ARPC2: variants seen among roughly 807,000 people sequenced by gnomAD.
The protein encoded by ARPC2 is actin-related protein 2/3 complex subunit 2.
A neutral mutation model predicts 38.6 loss-of-function variants in ARPC2; 4 were observed. That is an observed-to-expected ratio of 0.10 (90% CI 0.05 to 0.24). The LOEUF (loss-of-function observed/expected upper bound fraction) is 0.24, where lower values mean the gene tolerates loss of function less well. Among genes scored for constraint, ARPC2 ranks in the 10% least tolerant of loss-of-function variants. ARPC2 has a pLI of 1.00. For missense variants in ARPC2, 229 were observed against 387.3 expected (o/e 0.59, Z 3.43); for synonymous variants, 125 against 140.8 (o/e 0.89, Z 0.79).
chr2:218,217,393 G>C (rs1199576363), intron 1 of ARPC2, 70 bp from the exon 2 acceptor site: 2 of 1,469,988 alleles, frequency 1.4e-6, no homozygotes, highest in African/African-American at 2.8e-5. Context: ...GGGCAGCAGG[G>C]CCGCTCCCTC....
chr2:218,231,411 A>G (rs1455072604), intron 4 of ARPC2, among the ~76,000 whole-genome samples: 2 of 152,140 alleles, frequency 1.3e-5, no homozygotes, highest in African/African-American at 4.8e-5. Flanking sequence ...AATTAAACTA[A>G]ATCTTAGGGA....
chr2:218,230,928 TTCCATTCTGTGCTTTTCTTA>T (rs1689619600), intron 4 of ARPC2, among the ~76,000 whole-genome samples: 1 of 152,192 alleles, frequency 6.6e-6, no homozygotes. Flanking sequence ...TAAATCTCCT[TTCCATTCTGTGCTTTTCTTA>T]CGATGGAGCT....
intron 8 of ARPC2, 128 bp from the exon 9 acceptor site, chr2:218,249,236 T>C (rs1690121569): frequency 1.5e-6 from 1 of 645,332 alleles, no homozygotes; most frequent in South Asian, 1.9e-5. Context: ...TGACAAAGCC[T>C]GGTAATACTG....
rs115101645 is a variant in ARPC2, at chr2:218,218,997, G to C, written c.74+1453G>C. Among the ~76,000 whole-genome samples the C allele has an allele frequency of 8.2e-3, 1,249 of 152,266 alleles. 13 individuals carry two copies. Among genetic ancestry groups the C allele is most frequent in the African/African-American group, 0.026 (1,068 of 41,556 alleles). ...CAGAGTCTTATTTTGGGTGATTGCT[G>C]TATACTTTTTTCTGAGCAGTGTAAC... On this transcript the variant is annotated intron_variant, in intron 2 of 10. Coordinates refer to ENST00000315717, the MANE Select transcript of ARPC2 (RefSeq NM_152862.3).
At chr2:218,227,542 T>C (rs1321143883) in intron 3 of ARPC2, among the ~76,000 whole-genome samples, 1 of 151,714 alleles carries the variant, frequency 6.6e-6, no homozygotes, top group Non-Finnish European at 1.5e-5. Flanking sequence ...TTCTCCTGCC[T>C]CCGCCTCTCA....
chr2:218,253,800 G>T, intron 10 of ARPC2, 91 bp from the exon 11 acceptor site: 2 of 1,461,382 alleles, frequency 1.4e-6, no homozygotes, highest in Non-Finnish European at 1.8e-6. Flanking sequence ...CTCATTTGGT[G>T]TTTCTTTGGG....
Position 218,249,474 on chromosome 2 carries a change from G to A in ARPC2, c.777+10G>A, listed in dbSNP as rs373783317. 68 of 1,573,538 alleles carry A rather than the reference G, an allele frequency of 4.3e-5. No individual in the cohort carries two copies. The African/African-American group carries it at 7.6e-4, about 18-fold the overall frequency. On this transcript the variant is annotated intron_variant, in intron 9 of 10. Coordinates refer to ENST00000315717, the MANE Select transcript of ARPC2 (RefSeq NM_152862.3). Reference sequence around the variant, plus strand: ...CATCAAGTGCTCTAAGGTGAGGGGGGTGCCAGCATCTCAGCCTCTATGCTC... The same window carrying A: ...CATCAAGTGCTCTAAGGTGAGGGGGATGCCAGCATCTCAGCCTCTATGCTC...
intron 2 of ARPC2, among the ~76,000 whole-genome samples, chr2:218,224,995 CTT>C: frequency 6.6e-6 from 1 of 152,314 alleles, no homozygotes; most frequent in East Asian, 1.9e-4. Context: ...ACATGCGCAT[CTT>C]GTTTGCTAGC....
intron 2 of ARPC2, among the ~76,000 whole-genome samples, chr2:218,225,586 C>G (rs1050489599): frequency 1.3e-5 from 2 of 152,158 alleles, no homozygotes; most frequent in Non-Finnish European, 2.9e-5. Context: ...AGGCATTGAC[C>G]AAAAGATGGC....
At chr2:218,234,541 A>G in intron 5 of ARPC2, 144 bp downstream of exon 5, 5 of 657,810 alleles carry the variant, frequency 7.6e-6, no homozygotes, top group Non-Finnish European at 1.3e-5. Flanking sequence ...AACTCCGTCC[A>G]TAAAAATAGC....
intron 10 of ARPC2, among the ~76,000 whole-genome samples, chr2:218,250,567 A>C (rs955248996): frequency 6.6e-6 from 1 of 151,678 alleles, no homozygotes; most frequent in Non-Finnish European, 1.5e-5. Context: ...CGGGAGGCTG[A>C]GGCAGAGAAT....
In ARPC2 at chr2:218,249,968, C is replaced by T. The variant is rs74765391; in HGVS notation, c.878+47C>T. Reference sequence around the variant, plus strand: ...CGACCACCTTCCTCTCCTGAGTCACCGAGAAGGAAGCAGTGGGCGCTGGTG... The same window carrying T: ...CGACCACCTTCCTCTCCTGAGTCACTGAGAAGGAAGCAGTGGGCGCTGGTG... On this transcript the variant is annotated intron_variant, in intron 10 of 10. Transcript: ENST00000315717. 8.8e-4 allele frequency: 1,316 copies of T among 1,492,482 alleles called. 9 individuals carry two copies. The African/African-American group carries it at 0.013, about 14-fold the overall frequency. The allele number at this position is 1,492,482 out of a possible 1,614,324, so 92.5% of individuals were successfully genotyped here.
At chr2:218,241,456 A>G (rs1294454324) in intron 7 of ARPC2, among the ~76,000 whole-genome samples, 1 of 152,232 alleles carries the variant, frequency 6.6e-6, no homozygotes, top group Non-Finnish European at 1.5e-5. Flanking sequence ...GAGGCATTTC[A>G]TGTGTTTTTA....
intron 4 of ARPC2, 21 bp from the exon 5 acceptor site, chr2:218,234,326 GGTTTT>G: frequency 6.5e-7 from 1 of 1,542,914 alleles, no homozygotes; most frequent in Non-Finnish European, 8.9e-7. Flanking sequence ...TAACGTATTT[GGTTTT>G]GTTTTGTTTT....
chr2:218,238,802 A>T lies in ARPC2; in HGVS notation c.407A>T (p.Lys136Met). 1 of 1,614,038 alleles carries T rather than the reference A, an allele frequency of 6.2e-7. No homozygotes were observed. Among genetic ancestry groups the T allele is most frequent in the South Asian group, 1.1e-5 (1 of 91,080 alleles). Residue 136 changes from lysine (K) to methionine (M), a missense_variant, in exon 6 of 11, where the codon AAG (lysine) becomes ATG (methionine). Physicochemically the swap from Lys to Met is moderately conservative, Grantham distance 95. Around this residue, in one of 3 missense-constraint regions of ARPC2, gnomAD observed 135 missense variants for 214.1 expected, o/e 0.63. Transcript: ENST00000315717. ...TACTTCCAATTCCAAGAAGAGGGCAAGGAAGGAGAGAACAGGGCAGTTATC... is the reference window on the plus strand; with the variant it reads ...TACTTCCAATTCCAAGAAGAGGGCATGGAAGGAGAGAACAGGGCAGTTATC... ...EKYFQFQEEG[K>M]EGENRAVIHY...
intron 5 of ARPC2, chr2:218,235,790 G>C (rs1331716565): frequency 6.6e-6 from 1 of 152,198 alleles, no homozygotes; most frequent in Non-Finnish European, 1.5e-5. Context: ...GTAAAAGTGT[G>C]TGAAAGTAGT....
intron 7 of ARPC2, among the ~76,000 whole-genome samples, chr2:218,242,297 A>G (rs928463743): frequency 6.6e-6 from 1 of 152,214 alleles, no homozygotes; most frequent in African/African-American, 2.4e-5. Context: ...AGGACCAGTA[A>G]TTATGCTTTT....
chr2:218,249,580 A>G, intron 9 of ARPC2, 116 bp downstream of exon 9: 1 of 865,422 alleles, frequency 1.2e-6, no homozygotes, highest in Non-Finnish European at 1.8e-6. Context: ...TTAGGTAAAT[A>G]ATTCTAGAGG....
At chr2:218,227,451 T>G (rs1456553713) in intron 3 of ARPC2, among the ~76,000 whole-genome samples, 2 of 152,140 alleles carry the variant, frequency 1.3e-5, no homozygotes, top group African/African-American at 2.4e-5. Flanking sequence ...TGAGACTGAG[T>G]CTCACTCTGT....
Sources: allele counts gnomAD v4.1 joint callset (sites outside exome capture counted in the v4.1 genomes callset), GRCh38; gene constraint gnomAD v4.1.1; regional missense constraint gnomAD v4.1.1; transcripts MANE v1.5; gene names NCBI Gene and HGNC (gene_info 2026-07-23, HGNC 2026-07-21).